The following TENM2 variants were observed in gnomAD, a reference collection of about 807,000 sequenced individuals.
The protein encoded by TENM2 is teneurin transmembrane protein 2.
TENM2 carries 52 observed loss-of-function variants against 245.2 expected under a neutral mutation model. That is an observed-to-expected ratio of 0.21 (90% CI 0.17 to 0.27). The LOEUF is 0.27. Among genes scored for constraint, TENM2 ranks in the 10% least tolerant of loss-of-function variants. TENM2 has a pLI of 1.00. For missense variants in TENM2, 3,046 were observed against 3,666.8 expected (o/e 0.83, Z 4.37); for synonymous variants, 1,363 against 1,438.9 (o/e 0.95, Z 1.19).
the TENM2 span, among the ~76,000 whole-genome samples, chr5:167,268,813 TGTTTG>T: frequency 6.6e-6 from 1 of 152,086 alleles, no homozygotes; most frequent in Non-Finnish European, 1.5e-5. Flanking sequence ...TTACAGAAGA[TGTTTG>T]TTGATCCCTG....
the TENM2 span, among the ~76,000 whole-genome samples, chr5:167,211,786 GATAAA>G: frequency 6.6e-6 from 1 of 151,882 alleles, no homozygotes; most frequent in Non-Finnish European, 1.5e-5. Flanking sequence ...AATAATGACA[GATAAA>G]ATTAAATTGA....
At chr5:167,648,868 A>G (rs1780150217) in intron 2 of TENM2, among the ~76,000 whole-genome samples, 1 of 152,190 alleles carries the variant, frequency 6.6e-6, no homozygotes, top group African/African-American at 2.4e-5. Flanking sequence ...AGGAACTTTC[A>G]GGCAACTTTC....
In TENM2 at chr5:167,342,449, T is replaced by G. The variant is rs180955559; in HGVS notation, c.227-32749T>G. ...TCTACATGACTTACTGCTTATGATA[T>G]TAACCCTGGTCATCTGACTGCGGTC... On this transcript the variant is annotated intron_variant, in intron 1 of 28. Transcript: ENST00000518659. 3.3e-5 allele frequency among the ~76,000 whole-genome samples: 5 copies of G among 151,742 alleles called. No individual in the cohort carries two copies. The East Asian group carries it at 7.8e-4, about 24-fold the overall frequency.
chr5:168,201,525 C>G (rs1264254306), intron 17 of TENM2, among the ~76,000 whole-genome samples: 3 of 152,018 alleles, frequency 2.0e-5, no homozygotes, highest in Non-Finnish European at 4.4e-5. Flanking sequence ...CTGAAGCAAG[C>G]CCTAGACGTC....
chr5:167,986,745 G>T (rs1488221982), intron 4 of TENM2, among the ~76,000 whole-genome samples: 1 of 152,194 alleles, frequency 6.6e-6, no homozygotes, highest in Non-Finnish European at 1.5e-5. Flanking sequence ...AAGAAGTTCA[G>T]TTGGGGCATC....
At chr5:168,250,088 C>A (rs1025434460) in intron 27 of TENM2, among the ~76,000 whole-genome samples, 5 of 151,214 alleles carry the variant, frequency 3.3e-5, no homozygotes, top group Admixed American at 2.6e-4. Context: ...GACTGGATGG[C>A]TGGCTGGCTG....
At chr5:167,731,064 A>T (rs2150556413) in intron 2 of TENM2, among the ~76,000 whole-genome samples, 1 of 152,228 alleles carries the variant, frequency 6.6e-6, no homozygotes, top group South Asian at 2.1e-4. Flanking sequence ...ACATGTCCTT[A>T]GTTTCCATGA....
At chr5:167,170,592 G>A in the TENM2 span, among the ~76,000 whole-genome samples, 1 of 152,044 alleles carries the variant, frequency 6.6e-6, no homozygotes, top group Non-Finnish European at 1.5e-5. Context: ...CACTCTCATT[G>A]GGAATTTTAT....
the TENM2 span, among the ~76,000 whole-genome samples, chr5:167,240,012 G>A: frequency 6.6e-6 from 1 of 152,232 alleles, no homozygotes; most frequent in Non-Finnish European, 1.5e-5. Context: ...GACCTCAGGT[G>A]ATCTGCCTGC....
chr5:167,106,228 A>G, the TENM2 span, among the ~76,000 whole-genome samples: 69 of 152,204 alleles, frequency 4.5e-4, no homozygotes, highest in Non-Finnish European at 8.4e-4. Context: ...TTTTCGGTAC[A>G]GGAATCATTT....
At position 167,776,593 on chromosome 5, in the gene TENM2, GAAAAAA is replaced by G. The variant is rs869252752; in HGVS notation, c.503-99365_503-99360del. Among the ~76,000 whole-genome samples the G allele has an allele frequency of 3.3e-4, 12 of 36,022 alleles. 1 individual carries two copies. Among genetic ancestry groups the G allele is most frequent in the African/African-American group, 5.2e-4 (6 of 11,438 alleles). 23.6% of individuals were successfully genotyped at this position (36,022 alleles called of 152,430 possible). ...TTGGGCAGCAGATGAGACCCTGTCT[GAAAAAA>G]AAAAAAAAAAAAAAAAAAAAAAAAA... On this transcript the variant is annotated intron_variant, in intron 2 of 28. Coordinates refer to ENST00000518659, the Ensembl canonical transcript of TENM2.
At chr5:168,131,526 C>A (rs1453455184) in intron 12 of TENM2, among the ~76,000 whole-genome samples, 1 of 152,098 alleles carries the variant, frequency 6.6e-6, no homozygotes, top group Non-Finnish European at 1.5e-5. Context: ...TGAATCTTTA[C>A]CCAAGGTAAA....
intron 1 of TENM2, among the ~76,000 whole-genome samples, chr5:167,289,476 T>C (rs1754515193): frequency 1.3e-5 from 2 of 152,178 alleles, no homozygotes; most frequent in African/African-American, 2.4e-5. Flanking sequence ...TGGGGGAAGA[T>C]TGAATTTTTG....
At chr5:168,002,523 G>A (rs1313957710) in intron 5 of TENM2, among the ~76,000 whole-genome samples, 1 of 152,214 alleles carries the variant, frequency 6.6e-6, no homozygotes, top group Non-Finnish European at 1.5e-5. Context: ...TTTCAAGGAA[G>A]TTCAGTGTGC....
intron 2 of TENM2, among the ~76,000 whole-genome samples, chr5:167,435,399 C>A (rs1764486608): frequency 6.6e-6 from 1 of 152,132 alleles, no homozygotes; most frequent in Non-Finnish European, 1.5e-5. Flanking sequence ...CAAGGAGAAA[C>A]CCGTTTTGCT....
At chr5:168,263,212 A>G (rs3733989), downstream of TENM2, 114,669 of 160,764 alleles carry the variant, frequency 0.71, 42,260 homozygotes, top group African/African-American at 0.84. Context: ...CACACGGACC[A>G]ATAAACAAAG....
In TENM2 at chr5:168,115,359, G is replaced by GGGAAGGAAGGGAAGGAAGGAA. The variant is rs1554200289; in HGVS notation, c.1814-2923_1814-2922insGAAGGAAGGAAGGAAGGAAGG. On this transcript the variant is annotated intron_variant, in intron 9 of 28. Transcript: ENST00000518659. ...GGAAGGAAGGAAAGGAGGGAAGGAA[G>GGGAAGGAAGGGAAGGAAGGAA]GGAAGGAAGGAAGGAAGGAAGGAAG... Among the ~76,000 whole-genome samples the GGGAAGGAAGGGAAGGAAGGAA allele has an allele frequency of 2.6e-3, 187 of 71,618 alleles. 1 individual carries two copies. Among genetic ancestry groups the GGGAAGGAAGGGAAGGAAGGAA allele is most frequent in the Non-Finnish European group, 3.9e-3 (158 of 40,336 alleles). The allele number at this position is 71,618 out of a possible 152,430, so 47.0% of individuals were successfully genotyped here.
chr5:167,062,587 A>G, the TENM2 span, among the ~76,000 whole-genome samples: 826 of 152,312 alleles, frequency 5.4e-3, 7 homozygotes, highest in African/African-American at 0.018. Flanking sequence ...TAATTTATTC[A>G]TTCAACATGG....
intron 2 of TENM2, among the ~76,000 whole-genome samples, chr5:167,467,952 T>G (rs1349959014): frequency 2.0e-5 from 3 of 152,216 alleles, no homozygotes; most frequent in Non-Finnish European, 2.9e-5. Flanking sequence ...ATATATATTT[T>G]TGAGACGAAG....
Sources: allele counts gnomAD v4.1 joint callset (sites outside exome capture counted in the v4.1 genomes callset), GRCh38; gene constraint gnomAD v4.1.1; transcripts MANE v1.5; gene names NCBI Gene and HGNC (gene_info 2026-07-23, HGNC 2026-07-21).